Variants in ERI1 observed in about 807,000 individuals in gnomAD.
ERI1 encodes 3'-5' exoribonuclease 1.
Under a neutral mutation model 39.7 loss-of-function variants are expected in ERI1, and 39 were observed. The ratio of observed to expected loss-of-function variants is 0.98; its 90% CI spans 0.76 to 1.28. The LOEUF (loss-of-function observed/expected upper bound fraction) is 1.28. ERI1 is among the 50% of genes most tolerant of loss of function. The pLI is 0.00. For missense variants in ERI1, 581 were observed against 416.9 expected (o/e 1.39, Z -3.43); for synonymous variants, 204 against 149.6 (o/e 1.36, Z -2.65).
intron 3 of ERI1, chr8:9,096,756 C>G (rs1189459002): frequency 1.7e-5 from 2 of 120,022 alleles, no homozygotes; most frequent in South Asian, 3.0e-4. Context: ...GGATCTCACT[C>G]TGTCACCCAG....
At chr8:9,036,910 A>G (rs1215578783), downstream of ERI1, among the ~76,000 whole-genome samples, 1 of 152,156 alleles carries the variant, frequency 6.6e-6, no homozygotes, top group East Asian at 1.9e-4. Flanking sequence ...GACCATGATT[A>G]TCACAGTCAC....
intron 6 of ERI1, among the ~76,000 whole-genome samples, chr8:9,023,574 G>A (rs1332417767): frequency 6.6e-6 from 1 of 151,938 alleles, no homozygotes; most frequent in Non-Finnish European, 1.5e-5. Context: ...TGGCCAGTTT[G>A]TTAGCCTGCT....
At position 9,020,352 on chromosome 8, in the gene ERI1, C is replaced by G; in HGVS notation, c.695C>G (p.Ser232Cys). The part of the protein sequence containing the change: ...KYKYSLLTDG[S>C]WDMSKFLNIQ... ...TTTTGTCCTTTTTTAATTTATAGTT[C>G]TTGGGATATGAGTAAGTTCTTGAAC... Residue 232 changes from serine (S) to cysteine (C), a missense_variant and splice_region_variant, in exon 6 of 7, where the codon TCT (serine) becomes TGT (cysteine). Ser to Cys is a moderately radical substitution (Grantham distance 112). Transcript: ENST00000250263. 2 of 1,555,764 alleles carry G rather than the reference C, an allele frequency of 1.3e-6. No individual in the cohort carries two copies. The highest frequency in any genetic ancestry group is 1.7e-6 in the Non-Finnish European group (2 of 1,153,870).
At chr8:9,036,987 C>T (rs1292879138), downstream of ERI1, among the ~76,000 whole-genome samples, 1 of 152,152 alleles carries the variant, frequency 6.6e-6, no homozygotes, top group Non-Finnish European at 1.5e-5. Context: ...CTTTATTGTC[C>T]AGTCACTTTA....
At position 9,005,004 on chromosome 8, in the gene ERI1, T is replaced by C. The variant is rs192716353; in HGVS notation, c.108+1833T>C. Among the ~76,000 whole-genome samples the C allele has an allele frequency of 3.1e-4, 47 of 152,314 alleles. 1 individual carries two copies. The highest frequency in any genetic ancestry group is 9.1e-4 in the Admixed American group (14 of 15,308). ...GCGCCTGGCCATGATACAGTGTTTT[T>C]CAATCTGGGCCAAAGTTTTTTGTTG... is the stretch of plus-strand genomic sequence containing the variant. On this transcript the variant is annotated intron_variant, in intron 1 of 6. Transcript: ENST00000250263.
intron 3 of ERI1, among the ~76,000 whole-genome samples, chr8:9,082,366 G>A (rs1033972389): frequency 1.3e-5 from 2 of 152,186 alleles, no homozygotes; most frequent in South Asian, 2.1e-4. Flanking sequence ...CAAGTCACCA[G>A]TAGGCAGGAA....
intron 3 of ERI1, among the ~76,000 whole-genome samples, chr8:9,079,957 C>A: frequency 6.8e-6 from 1 of 147,742 alleles, no homozygotes; most frequent in Admixed American, 6.8e-5. Context: ...AGGTGTAAGC[C>A]ACTATGCTTG....
chr8:9,015,843 T>G lies in ERI1; in HGVS notation c.499-479T>G, dbSNP rs1817210896. Reference sequence around the variant, plus strand: ...ATATATCATACAGTTAAATTTTGACTATTTAGAATTTAGTTCAATTGGATT... The same window carrying G: ...ATATATCATACAGTTAAATTTTGACGATTTAGAATTTAGTTCAATTGGATT... On this transcript the variant is annotated intron_variant, in intron 3 of 6. Coordinates refer to ENST00000250263, the MANE Select transcript of ERI1 (RefSeq NM_153332.4). Among the ~76,000 whole-genome samples the G allele has an allele frequency of 3.3e-5, 5 of 152,216 alleles. No individual in the cohort carries two copies. In the South Asian group the frequency reaches 1.0e-3, roughly 32 times the overall value.
intron 3 of ERI1, among the ~76,000 whole-genome samples, chr8:9,052,852 T>A (rs1302057696): frequency 6.6e-6 from 1 of 152,110 alleles, no homozygotes; most frequent in South Asian, 2.1e-4. Context: ...TGAATCAAGG[T>A]GGGCCCTTAA....
intron 4 of ERI1, 76 bp from the exon 5 acceptor site, chr8:9,018,221 C>T (rs779272336): frequency 1.9e-5 from 14 of 747,818 alleles, no homozygotes; most frequent in Non-Finnish European, 3.1e-5. Flanking sequence ...TCCCCTCCAA[C>T]TTAGGTCTGG....
intron 5 of ERI1, among the ~76,000 whole-genome samples, chr8:9,019,768 G>A (rs1196008257): frequency 6.6e-6 from 1 of 152,124 alleles, no homozygotes; most frequent in African/African-American, 2.4e-5. Context: ...CAGCTGAGTT[G>A]AGGGCTTTTC....
In ERI1 at chr8:9,082,647, T is replaced by C. The variant is rs147311163; in HGVS notation, n.300-33701T>C. Among the ~76,000 whole-genome samples the C allele has an allele frequency of 2.3e-3, 356 of 152,270 alleles. 2 individuals are homozygous for C. The highest frequency in any genetic ancestry group is 6.8e-3 in the Middle Eastern group (2 of 294). Reference sequence around the variant, plus strand: ...GGACCTACATCTGGGCTCCTCATCTTAGAAAGTAGGCACCTGCTTGGGAAC... The same window carrying C: ...GGACCTACATCTGGGCTCCTCATCTCAGAAAGTAGGCACCTGCTTGGGAAC... On this transcript the variant is annotated intron_variant and non_coding_transcript_variant, in intron 3 of 3. Transcript: ENST00000518663.
intron 3 of ERI1, among the ~76,000 whole-genome samples, chr8:9,059,227 T>A (rs1383088675): frequency 6.6e-6 from 1 of 152,080 alleles, no homozygotes; most frequent in Non-Finnish European, 1.5e-5. Context: ...TGGAATGTCA[T>A]CAGTTAAGGC....
chr8:9,021,862 A>G (rs890176139), intron 6 of ERI1, among the ~76,000 whole-genome samples: 1 of 142,872 alleles, frequency 7.0e-6, no homozygotes, highest in Non-Finnish European at 1.5e-5. Flanking sequence ...TATTAATTCC[A>G]TTGTGTGACT....
intron 6 of ERI1, among the ~76,000 whole-genome samples, chr8:9,023,403 T>A (rs1208584431): frequency 6.6e-6 from 1 of 152,152 alleles, no homozygotes; most frequent in Admixed American, 6.5e-5. Context: ...TTTTTATTAT[T>A]AAAAATTAAT....
At chr8:9,099,882 G>C (rs1487966680) in intron 3 of ERI1, 1 of 151,672 alleles carries the variant, frequency 6.6e-6, no homozygotes, top group Non-Finnish European at 1.5e-5. Context: ...GAATTGCTGA[G>C]TCATGTGGCA....
At chr8:9,016,105 C>T (rs1012065558) in intron 3 of ERI1, among the ~76,000 whole-genome samples, 2 of 152,140 alleles carry the variant, frequency 1.3e-5, no homozygotes, top group Non-Finnish European at 2.9e-5. Context: ...TTCACACACT[C>T]ACTTTATCGT....
At chr8:9,068,579 G>T (rs1798953781) in intron 3 of ERI1, among the ~76,000 whole-genome samples, 1 of 152,102 alleles carries the variant, frequency 6.6e-6, no homozygotes, top group Non-Finnish European at 1.5e-5. Context: ...TCTTTATTGA[G>T]CACCAAGCAA....
intron 1 of ERI1, among the ~76,000 whole-genome samples, chr8:9,005,608 G>A (rs1463796718): frequency 6.7e-6 from 1 of 150,170 alleles, no homozygotes; most frequent in Non-Finnish European, 1.5e-5. Flanking sequence ...TCCGCCTCAC[G>A]GGTTCACGCC....
Sources: gnomAD v4.1 joint callset for allele counts (sites outside exome capture counted in the v4.1 genomes callset) on GRCh38, gnomAD v4.1.1 for gene constraint, MANE v1.5 for transcripts, NCBI Gene and HGNC (gene_info 2026-07-23, HGNC 2026-07-21) for gene names.